FOXP1: variants seen among roughly 807,000 people sequenced by gnomAD.
FOXP1 encodes forkhead box protein P1.
FOXP1 carries 15 observed loss-of-function variants against 98.2 expected under a neutral mutation model. The ratio of observed to expected loss-of-function variants is 0.15; its 90% CI spans 0.10 to 0.24. The LOEUF (loss-of-function observed/expected upper bound fraction) is 0.24, where lower values mean the gene tolerates loss of function less well. Ranked by LOEUF, FOXP1 falls within the 10% of genes least tolerant of loss-of-function variation. FOXP1 has a pLI of 1.00. For synonymous variants in FOXP1, 371 were observed against 314.5 expected, an observed-to-expected ratio of 1.18 and a Z score of -1.90; for missense variants, 633 against 848.5, an observed-to-expected ratio of 0.75 and a Z score of 3.15.
intron 6 of FOXP1, among the ~76,000 whole-genome samples, chr3:71,124,975 T>G (rs2059055638): frequency 6.6e-6 from 1 of 152,148 alleles, no homozygotes; most frequent in Non-Finnish European, 1.5e-5. Context: ...AAAAGCAAAC[T>G]GAGGACAAGA....
intron 3 of FOXP1, among the ~76,000 whole-genome samples, chr3:71,454,314 C>T (rs1332444354): frequency 2.0e-5 from 3 of 152,078 alleles, no homozygotes; most frequent in African/African-American, 7.2e-5. Flanking sequence ...TCCACATACA[C>T]GAGGCACATC....
chr3:71,549,860 TAAAAAAAAAAAAAAAA>T (rs55826932), intron 2 of FOXP1, among the ~76,000 whole-genome samples: 1 of 59,896 alleles, frequency 1.7e-5, no homozygotes, highest in East Asian at 6.7e-4. Flanking sequence ...ATGCTGGGAG[TAAAAAAAAAAAAAAAA>T]AAAAAAAAAA....
At chr3:71,093,973 T>G (rs139486450) in intron 7 of FOXP1, among the ~76,000 whole-genome samples, 23 of 152,320 alleles carry the variant, frequency 1.5e-4, no homozygotes, top group African/African-American at 5.1e-4. Context: ...GAAAGCTGTT[T>G]TCTTGTTTTT....
rs546435043 is a variant in FOXP1 at position 71,012,246 on chromosome 3, G to A, written c.974+3303C>T. ...CAAGGTATTTATCAAACCTAGCACT[G>A]GTGTAGAAGAAAAAACTCAGAATTT... On this transcript the variant is annotated intron_variant, in intron 12 of 20. Transcript: ENST00000649528. 9.9e-5 allele frequency among the ~76,000 whole-genome samples: 15 copies of A among 152,162 alleles called. No homozygotes were observed. The South Asian group carries it at 2.9e-3, about 29-fold the overall frequency.
chr3:71,241,234 A>G (rs1051280102), intron 5 of FOXP1, among the ~76,000 whole-genome samples: 1 of 141,732 alleles, frequency 7.1e-6, no homozygotes, highest in African/African-American at 2.7e-5. Context: ...AAACAAAACA[A>G]AAAAACAAAA....
chr3:71,222,552 G>A (rs1277849036), intron 5 of FOXP1, among the ~76,000 whole-genome samples: 1 of 152,114 alleles, frequency 6.6e-6, no homozygotes, highest in Non-Finnish European at 1.5e-5. Context: ...CAGAGTAGCT[G>A]GGATTACAGG....
At chr3:71,254,187 C>T (rs562813314) in intron 5 of FOXP1, among the ~76,000 whole-genome samples, 3 of 152,248 alleles carry the variant, frequency 2.0e-5, no homozygotes, top group Admixed American at 2.0e-4. Flanking sequence ...TTTCCTCCCC[C>T]CTAACTTCCT....
At chr3:71,382,989 A>G (rs963881073) in intron 3 of FOXP1, among the ~76,000 whole-genome samples, 3 of 152,346 alleles carry the variant, frequency 2.0e-5, no homozygotes, top group African/African-American at 7.2e-5. Context: ...CTTGAAAAAT[A>G]ACCAATAAGG....
At chr3:71,265,023 C>G (rs563602443) in intron 5 of FOXP1, among the ~76,000 whole-genome samples, 42 of 152,228 alleles carry the variant, frequency 2.8e-4, no homozygotes, top group African/African-American at 9.4e-4. Context: ...AGAGTGTGCA[C>G]GTATACACAC....
At chr3:71,285,210 A>G (rs1245425507) in intron 5 of FOXP1, among the ~76,000 whole-genome samples, 2 of 152,318 alleles carry the variant, frequency 1.3e-5, no homozygotes, top group East Asian at 3.9e-4. Context: ...AGTAAGAAAC[A>G]CACATCATTA....
At chr3:71,495,312 T>C (rs1206183372) in intron 2 of FOXP1, among the ~76,000 whole-genome samples, 4 of 152,244 alleles carry the variant, frequency 2.6e-5, no homozygotes, top group Non-Finnish European at 5.9e-5. Flanking sequence ...TAGTCTCAAT[T>C]ATATCATCCT....
chr3:71,438,988 A>C (rs2085643588), intron 3 of FOXP1, among the ~76,000 whole-genome samples: 1 of 151,994 alleles, frequency 6.6e-6, no homozygotes, highest in Non-Finnish European at 1.5e-5. Flanking sequence ...GGTTGGAGCT[A>C]CAACCCGCTC....
intron 2 of FOXP1, among the ~76,000 whole-genome samples, chr3:71,562,340 G>T (rs77244846): frequency 2.2e-3 from 330 of 152,326 alleles, no homozygotes; most frequent in African/African-American, 7.5e-3. Flanking sequence ...TTACGCAGCA[G>T]GTGCTATCAT....
chr3:71,306,782 T>A (rs1264357913), intron 4 of FOXP1, among the ~76,000 whole-genome samples: 1 of 152,128 alleles, frequency 6.6e-6, no homozygotes, highest in Non-Finnish European at 1.5e-5. Flanking sequence ...TTAAAAACAT[T>A]ACCCCCATAT....
At chr3:71,255,075 C>A (rs2068517690) in intron 5 of FOXP1, among the ~76,000 whole-genome samples, 1 of 152,132 alleles carries the variant, frequency 6.6e-6, no homozygotes, top group African/African-American at 2.4e-5. Flanking sequence ...GAAACTACAC[C>A]CTTTTTCCAT....
intron 3 of FOXP1, among the ~76,000 whole-genome samples, chr3:71,361,423 G>A (rs1037631224): frequency 1.3e-5 from 2 of 152,126 alleles, no homozygotes; most frequent in Admixed American, 6.5e-5. Flanking sequence ...ACAGCCCCAC[G>A]TCAGGGCAAT....
chr3:71,092,167 G>A (rs1272036882), intron 7 of FOXP1, among the ~76,000 whole-genome samples: 3 of 150,572 alleles, frequency 2.0e-5, no homozygotes, highest in African/African-American at 4.9e-5. Context: ...CAGCCTGGGC[G>A]ACAGAGTGAG....
chr3:71,202,177 A>G lies in FOXP1; in HGVS notation c.-11-3785T>C, dbSNP rs138947053. ...CCAAGTCCTCCAGTACAAGTTTTGC[A>G]GGCATCAAGCCAAGCAGCTTGGCTT... On this transcript the variant is annotated intron_variant, in intron 5 of 20. Coordinates refer to ENST00000649528, the MANE Select transcript of FOXP1 (RefSeq NM_001349338.3). Among the ~76,000 whole-genome samples the G allele has an allele frequency of 2.8e-3, 429 of 152,358 alleles. 1 individual carries two copies. The highest frequency in any genetic ancestry group is 9.5e-3 in the African/African-American group (394 of 41,590).
chr3:71,268,549 C>T (rs2107270731), intron 5 of FOXP1, among the ~76,000 whole-genome samples: 1 of 133,488 alleles, frequency 7.5e-6, no homozygotes, highest in South Asian at 2.5e-4. Flanking sequence ...TTTACCATCA[C>T]TTTGAGAAAA....
Sources: gnomAD v4.1 joint callset for allele counts (sites outside exome capture counted in the v4.1 genomes callset) on GRCh38, gnomAD v4.1.1 for gene constraint, MANE v1.5 for transcripts, NCBI Gene and HGNC (gene_info 2026-07-23, HGNC 2026-07-21) for gene names.